The following SLC35B4 variants were observed in gnomAD, a reference collection of about 807,000 sequenced individuals.
The protein encoded by SLC35B4 is nucleotide sugar transporter SLC35B4.
SLC35B4 carries 28 observed loss-of-function variants against 39.5 expected under a neutral mutation model. That is an observed-to-expected ratio of 0.71 (90% CI 0.53 to 0.97). The LOEUF (loss-of-function observed/expected upper bound fraction) is 0.97. Ranked by LOEUF, SLC35B4 falls within the 50% of genes least tolerant of loss-of-function variation. The pLI is 0.00. For synonymous variants in SLC35B4, 145 were observed against 150.4 expected (o/e 0.96, Z 0.26); for missense variants, 334 against 414.3 (o/e 0.81, Z 1.68).
Position 134,290,570 on chromosome 7 carries a change from G to A in SLC35B4, c.*4263C>T, listed in dbSNP as rs1267998604. The A allele has an allele frequency of 6.6e-6, 1 of 152,120 alleles. No individual in the cohort carries two copies. The highest frequency in any genetic ancestry group is 2.4e-5 in the African/African-American group (1 of 41,424). 9.4% of individuals were successfully genotyped at this position (152,120 alleles called of 1,614,324 possible). A position where few individuals can be genotyped will look rare whatever the true frequency, so the allele number is the denominator to read the frequency against. ...CAACATGCTACTTTAAAGCCAAGAG[G>A]GGCCAGTCTCCCATTCCAGCTTGGT... On this transcript the variant is annotated 3_prime_UTR_variant, in exon 10 of 10. Coordinates refer to ENST00000378509, the MANE Select transcript of SLC35B4 (RefSeq NM_032826.5).
rs952928662 is a variant in SLC35B4 at position 134,316,676 on chromosome 7, G to A, written c.76C>T (p.Arg26Trp). ...GTGCGGCCCGAGCGGGTCACTCACCGGGCCAGGAGCTCTAGGAAGATCACG... is the reference window on the plus strand; with the variant it reads ...GTGCGGCCCGAGCGGGTCACTCACCAGGCCAGGAGCTCTAGGAAGATCACG... ...SNVIFLELLA[R>W]KHPGCGNIVT... The change falls in exon 1 of 10, where the codon CGG becomes TGG. Residue 26 changes from arginine to tryptophan, a missense_variant and splice_region_variant. Transcript: ENST00000378509. The A allele has an allele frequency of 1.3e-6, 2 of 1,550,172 alleles. No homozygotes were observed. The highest frequency in any genetic ancestry group is 1.7e-6 in the Non-Finnish European group (2 of 1,146,682).
intron 1 of SLC35B4, among the ~76,000 whole-genome samples, chr7:134,316,469 G>A (rs948997271): frequency 1.3e-5 from 2 of 152,256 alleles, no homozygotes; most frequent in African/African-American, 4.8e-5. Context: ...GACTGCCGCC[G>A]GTGCGCAGTT....
At chr7:134,306,887 G>T in intron 2 of SLC35B4, 113 bp from the exon 3 acceptor site, 1 of 733,050 alleles carries the variant, frequency 1.4e-6, no homozygotes. Flanking sequence ...CCTCTGCGTT[G>T]CAAGATTGCA....
chr7:134,318,438 A>G (rs780100102), upstream of SLC35B4, among the ~76,000 whole-genome samples: 7 of 150,884 alleles, frequency 4.6e-5, no homozygotes, highest in Non-Finnish European at 1.0e-4. Context: ...ACACGTATAT[A>G]TACCAGTTAT....
chr7:134,297,413 T>A (rs1045313409), intron 8 of SLC35B4, among the ~76,000 whole-genome samples: 2 of 152,210 alleles, frequency 1.3e-5, no homozygotes, highest in African/African-American at 2.4e-5. Context: ...AGAAAAAGGT[T>A]CTGCACTCAT....
intron 4 of SLC35B4, among the ~76,000 whole-genome samples, chr7:134,302,984 C>G (rs2598290): frequency 0.5 from 76,588 of 151,888 alleles, 19,845 homozygotes; most frequent in African/African-American, 0.6. Context: ...CTTCAGTCTG[C>G]AAAGATCACG....
chr7:134,306,797 C>T lies in SLC35B4; in HGVS notation c.192-23G>A, dbSNP rs772678227. The T allele has an allele frequency of 3.2e-6, 5 of 1,559,942 alleles. No homozygotes were observed. The African/African-American group carries it at 4.1e-5, about 13-fold the overall frequency. On this transcript the variant is annotated intron_variant, in intron 2 of 9. Coordinates refer to ENST00000378509, the MANE Select transcript of SLC35B4 (RefSeq NM_032826.5). ...TACCTGAAATGCAGACAGAACAGCT[C>T]ATCAAACAGAATCTAGGATTTCAAG...
Position 134,302,034 on chromosome 7 carries a change from G to C in SLC35B4, c.421C>G (p.Gln141Glu). The change falls in exon 5 of 10, where the codon CAG (glutamine) becomes GAG (glutamate). Residue 141 changes from glutamine to glutamate, a missense_variant. Transcript: ENST00000378509. ...IFICTFMSAK[Q>E]VTSQSSLSEN... ...ATAATTTGTGAGCTTCTTACCACCT[G>C]CTTTGCTGACATAAAAGTGCAAATA... The C allele has an allele frequency of 6.2e-7, 1 of 1,613,760 alleles. No individual in the cohort carries two copies. Among genetic ancestry groups the C allele is most frequent in the Non-Finnish European group, 8.5e-7 (1 of 1,179,896 alleles).
chr7:134,301,916 CCTCTT>C, intron 5 of SLC35B4, 95 bp from the exon 6 acceptor site: 1 of 1,502,878 alleles, frequency 6.7e-7, no homozygotes, highest in East Asian at 2.3e-5. Context: ...ATTTCCCTCC[CCTCTT>C]CTCTTTCAAA....
intron 2 of SLC35B4, among the ~76,000 whole-genome samples, chr7:134,308,491 T>C (rs1803761778): frequency 6.6e-6 from 1 of 152,156 alleles, no homozygotes. Flanking sequence ...AAACTAAAAG[T>C]ATCTGGAATA....
chr7:134,316,054 T>G (rs1443728213), intron 1 of SLC35B4, among the ~76,000 whole-genome samples: 1 of 151,882 alleles, frequency 6.6e-6, no homozygotes, highest in Non-Finnish European at 1.5e-5. Context: ...TGGACTGATC[T>G]TCTACATAAA....
In SLC35B4 at chr7:134,294,170, T is replaced by A. The variant is rs1447333677; in HGVS notation, c.*663A>T. On this transcript the variant is annotated 3_prime_UTR_variant, in exon 10 of 10. Transcript: ENST00000378509. The stretch of plus-strand genomic sequence containing the variant: ...CGCCCTAATCACAGAAAGCAATGGA[T>A]AGAAGCATCTGACTTTTGCATAGAA... 6.6e-6 allele frequency: 1 copy of A among 151,806 alleles called. No homozygotes were observed. Among genetic ancestry groups the A allele is most frequent in the African/African-American group, 2.4e-5 (1 of 41,084 alleles). The allele number at this position is 151,806 out of a possible 1,614,324, so 9.4% of individuals were successfully genotyped here. A position where few individuals can be genotyped will look rare whatever the true frequency, so the allele number is the denominator to read the frequency against.
chr7:134,300,022 A>T (rs1006879423), intron 7 of SLC35B4, 130 bp downstream of exon 7: 2 of 637,922 alleles, frequency 3.1e-6, no homozygotes, highest in East Asian at 5.6e-5. Context: ...AAACTGCTTC[A>T]GTCTGTGGGT....
intron 8 of SLC35B4, chr7:134,299,278 AAC>A: frequency 2.4e-6 from 1 of 420,222 alleles, no homozygotes; most frequent in Non-Finnish European, 4.3e-6. Context: ...TTCAAATGCA[AAC>A]ACACAAATTC....
upstream of SLC35B4, among the ~76,000 whole-genome samples, chr7:134,318,231 G>A (rs1475189996): frequency 6.6e-6 from 1 of 152,116 alleles, no homozygotes; most frequent in African/African-American, 2.4e-5. Flanking sequence ...CTAGAAACTT[G>A]TATTTTTAAC....
At position 134,293,215 on chromosome 7, in the gene SLC35B4, C is replaced by T. The variant is rs1287579920; in HGVS notation, c.*1618G>A. 1.3e-5 allele frequency: 2 copies of T among 152,204 alleles called. No homozygotes were observed. Among genetic ancestry groups the T allele is most frequent in the African/African-American group, 2.4e-5 (1 of 41,386 alleles). 9.4% of individuals were successfully genotyped at this position (152,204 alleles called of 1,614,324 possible). Reference sequence around the variant, plus strand: ...AGTGGCCGGTGAGTTCAGCTGCTTACAGAGGAGCATGTACTGGTATGTAAG... The same window carrying T: ...AGTGGCCGGTGAGTTCAGCTGCTTATAGAGGAGCATGTACTGGTATGTAAG... On this transcript the variant is annotated 3_prime_UTR_variant, in exon 10 of 10. Coordinates refer to ENST00000378509, the MANE Select transcript of SLC35B4 (RefSeq NM_032826.5).
chr7:134,294,654 T>C lies in SLC35B4; in HGVS notation c.*179A>G, dbSNP rs1803414949. On this transcript the variant is annotated 3_prime_UTR_variant, in exon 10 of 10. Coordinates refer to ENST00000378509, the MANE Select transcript of SLC35B4 (RefSeq NM_032826.5). ...TTTTCTATTTTAGGGCTGAGGGGTTTCTATTTAGTCTACATGTGTCAGTCT... is the reference window on the plus strand; with the variant it reads ...TTTTCTATTTTAGGGCTGAGGGGTTCCTATTTAGTCTACATGTGTCAGTCT... 1.5e-6 allele frequency: 1 copy of C among 655,622 alleles called. No individual in the cohort carries two copies. The highest frequency in any genetic ancestry group is 2.8e-5 in the East Asian group (1 of 35,534). The allele number at this position is 655,622 out of a possible 1,614,324, so 40.6% of individuals were successfully genotyped here. A position where few individuals can be genotyped will look rare whatever the true frequency, so the allele number is the denominator to read the frequency against.
chr7:134,296,591 T>C (rs1333617369), intron 8 of SLC35B4, 125 bp from the exon 9 acceptor site: 4 of 662,282 alleles, frequency 6.0e-6, no homozygotes, highest in Non-Finnish European at 8.0e-6. Context: ...GCAAATAGAA[T>C]TGGATCACGC....
In SLC35B4 at chr7:134,316,882, G is replaced by C; in HGVS notation, c.-131C>G. ...GTCCTGGAAAGCCGCTCTCACTGGG[G>C]GCCGCCGCGGTCTCCCCTTCTCCCG... On this transcript the variant is annotated 5_prime_UTR_variant, in exon 1 of 10. Coordinates refer to ENST00000378509, the MANE Select transcript of SLC35B4 (RefSeq NM_032826.5). The C allele has an allele frequency of 2.4e-6, 2 of 835,060 alleles. No homozygotes were observed. The highest frequency in any genetic ancestry group is 3.4e-5 in the South Asian group (2 of 58,842). The allele number at this position is 835,060 out of a possible 1,614,324, so 51.7% of individuals were successfully genotyped here.
Sources: gnomAD v4.1 joint callset for allele counts (sites outside exome capture counted in the v4.1 genomes callset) on GRCh38, gnomAD v4.1.1 for gene constraint, MANE v1.5 for transcripts, NCBI Gene and HGNC (gene_info 2026-07-23, HGNC 2026-07-21) for gene names.